RYK: variants seen among roughly 807,000 people sequenced by gnomAD.
RYK encodes the protein inactive tyrosine-protein kinase RYK.
In RYK, 21 loss-of-function variants were observed where a neutral mutation model predicts 70.2. That is an observed-to-expected ratio of 0.30 (90% CI 0.21 to 0.43). The LOEUF is 0.43. Ranked by LOEUF, RYK falls within the 20% of genes least tolerant of loss-of-function variation. The probability of loss-of-function intolerance (pLI) is 1.00; values close to 1 mark genes in which losing one functional copy is unlikely to be tolerated. For missense variants in RYK, 604 were observed against 753.3 expected, an observed-to-expected ratio of 0.80 and a Z score of 2.32; for synonymous variants, 267 against 278.0, an observed-to-expected ratio of 0.96 and a Z score of 0.39.
intron 13 of RYK, among the ~76,000 whole-genome samples, chr3:134,161,252 A>C (rs760014841): frequency 2.0e-5 from 3 of 152,344 alleles, no homozygotes; most frequent in African/African-American, 4.8e-5. Context: ...TTAAACATGA[A>C]ATGATATAAT....
intron 7 of RYK, among the ~76,000 whole-genome samples, chr3:134,194,664 T>C (rs964569859): frequency 2.0e-5 from 3 of 152,248 alleles, no homozygotes; most frequent in Non-Finnish European, 2.9e-5. Flanking sequence ...CTTCCTATTA[T>C]GATTAAAAAA....
chr3:134,188,408 C>G (rs540242119), intron 9 of RYK, among the ~76,000 whole-genome samples: 11 of 152,112 alleles, frequency 7.2e-5, no homozygotes, highest in Admixed American at 5.9e-4. Context: ...GTGATCTGGC[C>G]ACCTCGGCCT....
At chr3:134,170,117 A>T (rs1407124217) in intron 13 of RYK, among the ~76,000 whole-genome samples, 1 of 152,222 alleles carries the variant, frequency 6.6e-6, no homozygotes, top group African/African-American at 2.4e-5. Context: ...TTCAATTCCA[A>T]TTATCTAAAG....
chr3:134,205,530 G>C (rs2014188908), intron 5 of RYK, among the ~76,000 whole-genome samples: 1 of 152,156 alleles, frequency 6.6e-6, no homozygotes, highest in Non-Finnish European at 1.5e-5. Flanking sequence ...GCATATGTTA[G>C]CAGTACTGTC....
At chr3:134,176,267 T>C (rs959791195) in intron 11 of RYK, among the ~76,000 whole-genome samples, 7 of 152,234 alleles carry the variant, frequency 4.6e-5, no homozygotes, top group African/African-American at 1.7e-4. Context: ...CTGTCTCCTT[T>C]CATCTGTTAG....
chr3:134,229,179 C>T (rs139208459), intron 1 of RYK, among the ~76,000 whole-genome samples: 176 of 151,828 alleles, frequency 1.2e-3, no homozygotes, highest in African/African-American at 3.9e-3. Flanking sequence ...TAGAAGAGGC[C>T]CTGTCTGCCA....
chr3:134,212,299 A>G (rs1328438275), intron 2 of RYK, among the ~76,000 whole-genome samples: 1 of 152,208 alleles, frequency 6.6e-6, no homozygotes, highest in Non-Finnish European at 1.5e-5. Context: ...ATCAGCATCA[A>G]TAATTAAGGC....
intron 13 of RYK, among the ~76,000 whole-genome samples, chr3:134,167,444 C>T (rs2012713047): frequency 1.3e-5 from 2 of 152,140 alleles, no homozygotes; most frequent in Non-Finnish European, 2.9e-5. Context: ...TAATACTACA[C>T]ATCTACAACT....
At chr3:134,221,453 T>C (rs1452789915) in intron 2 of RYK, among the ~76,000 whole-genome samples, 1 of 152,036 alleles carries the variant, frequency 6.6e-6, no homozygotes, top group African/African-American at 2.4e-5. Flanking sequence ...TCCACCTGTC[T>C]CAATCTCCCA....
At chr3:134,197,888 GAA>G (rs1560012529) in intron 6 of RYK, among the ~76,000 whole-genome samples, 1 of 152,182 alleles carries the variant, frequency 6.6e-6, no homozygotes, top group African/African-American at 2.4e-5. Flanking sequence ...CAGAATTTTT[GAA>G]AAGACTGTAG....
chr3:134,183,348 C>A, intron 9 of RYK: 2 of 207,484 alleles, frequency 9.6e-6, no homozygotes, highest in African/African-American at 2.3e-5. Flanking sequence ...ACACATAAGG[C>A]ATATATACTG....
At chr3:134,203,816 T>G (rs2014107811) in intron 5 of RYK, among the ~76,000 whole-genome samples, 1 of 152,224 alleles carries the variant, frequency 6.6e-6, no homozygotes, top group Admixed American at 6.5e-5. Context: ...CAGTAGCCAC[T>G]GGTCACCTGT....
At chr3:134,220,085 A>G (rs2014691659) in intron 2 of RYK, among the ~76,000 whole-genome samples, 1 of 152,222 alleles carries the variant, frequency 6.6e-6, no homozygotes, top group East Asian at 1.9e-4. Context: ...TTGTGGTATC[A>G]CTGCCAAAGA....
chr3:134,163,426 G>A (rs9822076), intron 13 of RYK, among the ~76,000 whole-genome samples: 45,325 of 151,996 alleles, frequency 0.3, 8,358 homozygotes, highest in Middle Eastern at 0.47. Context: ...AGAGTTTTAC[G>A]AAAGATTGTG....
intron 1 of RYK, among the ~76,000 whole-genome samples, chr3:134,237,773 A>G (rs1054973528): frequency 3.9e-5 from 6 of 152,178 alleles, no homozygotes; most frequent in Non-Finnish European, 8.8e-5. Flanking sequence ...TTACTCTATG[A>G]TATCATCCAT....
intron 13 of RYK, among the ~76,000 whole-genome samples, chr3:134,174,320 A>G (rs1278822239): frequency 6.6e-6 from 1 of 152,254 alleles, no homozygotes; most frequent in Non-Finnish European, 1.5e-5. Flanking sequence ...GTAATTTGCT[A>G]CAGCAGCCAC....
intron 10 of RYK, among the ~76,000 whole-genome samples, chr3:134,182,295 T>C (rs1560006317): frequency 6.6e-6 from 1 of 152,224 alleles, no homozygotes; most frequent in Non-Finnish European, 1.5e-5. Context: ...CCTTTTTAAA[T>C]GGCTACATGG....
At chr3:134,197,387 G>A (rs757521830) in intron 6 of RYK, among the ~76,000 whole-genome samples, 5 of 152,182 alleles carry the variant, frequency 3.3e-5, no homozygotes, top group East Asian at 1.9e-4. Flanking sequence ...TCAAATTCCC[G>A]TGGACAGAGT....
rs564304833 is a variant in RYK, at chr3:134,193,493, T to C, written c.890-1519A>G. On this transcript the variant is annotated intron_variant, in intron 7 of 14. Coordinates refer to ENST00000623711, the MANE Select transcript of RYK (RefSeq NM_002958.4). ...CCACCACACCCGGCCCCTTTGACTT[T>C]TTTAAGAAAGTATTTTAGCATGTAT... Among the ~76,000 whole-genome samples, 159 of 152,244 alleles carry C rather than the reference T, an allele frequency of 1.0e-3. 1 individual carries two copies. The Middle Eastern group carries it at 0.014, about 13-fold the overall frequency.
Sources: gnomAD v4.1 joint callset for allele counts (sites outside exome capture counted in the v4.1 genomes callset) on GRCh38, gnomAD v4.1.1 for gene constraint, MANE v1.5 for transcripts, NCBI Gene and HGNC (gene_info 2026-07-23, HGNC 2026-07-21) for gene names.